The following CFAP61 variants were observed in gnomAD, a reference collection of about 807,000 sequenced individuals.
CFAP61 encodes the protein cilia- and flagella-associated protein 61.
In CFAP61, 107 loss-of-function variants were observed where a neutral mutation model predicts 135.6. The ratio of observed to expected loss-of-function variants is 0.79; its 90% CI spans 0.67 to 0.93. CFAP61 has a LOEUF of 0.93. CFAP61 is among the 40% of genes least tolerant of loss of function. The pLI is 0.00. For synonymous variants in CFAP61, 575 were observed against 578.5 expected (o/e 0.99, Z 0.09); for missense variants, 1,507 against 1,556.2 (o/e 0.97, Z 0.53).
intron 20 of CFAP61, among the ~76,000 whole-genome samples, chr20:20,256,107 A>C (rs1368355059): frequency 6.6e-6 from 1 of 152,200 alleles, no homozygotes; most frequent in Non-Finnish European, 1.5e-5. Flanking sequence ...TGAGTGAAAC[A>C]ATCTCAGATC....
chr20:20,239,988 G>A (rs2049896835), intron 18 of CFAP61, among the ~76,000 whole-genome samples: 1 of 152,134 alleles, frequency 6.6e-6, no homozygotes, highest in Admixed American at 6.5e-5. Flanking sequence ...TGGCCAAAGT[G>A]TGTAGTGGGA....
chr20:20,069,601 GATGTAC>G, intron 2 of CFAP61: 1 of 366,268 alleles, frequency 2.7e-6, no homozygotes, highest in Non-Finnish European at 5.4e-6. Flanking sequence ...AAAAACACAC[GATGTAC>G]ATTTCAACGT....
intron 7 of CFAP61, 88 bp downstream of exon 7, chr20:20,091,064 G>T: frequency 2.0e-6 from 3 of 1,492,466 alleles, no homozygotes; most frequent in South Asian, 2.4e-5. Context: ...GGCACCCCTG[G>T]AGCTGCCATT....
intron 23 of CFAP61, 122 bp downstream of exon 23, chr20:20,289,058 T>G: frequency 1.5e-6 from 1 of 656,850 alleles, no homozygotes; most frequent in Non-Finnish European, 2.6e-6. Flanking sequence ...CTCAATGGGT[T>G]GCCACAGAGA....
In CFAP61 at chr20:20,305,112, G is replaced by A. The variant is rs112202027; in HGVS notation, c.3422+6726G>A. On this transcript the variant is annotated intron_variant, in intron 25 of 26. Coordinates refer to ENST00000245957, the MANE Select transcript of CFAP61 (RefSeq NM_015585.4). The stretch of plus-strand genomic sequence containing the variant: ...CTCAGACAGCCCGGCCCTCGCGCCC[G>A]CGCCACCACCGCCTCCACACTTCCC... 7.4e-4 allele frequency among the ~76,000 whole-genome samples: 113 copies of A among 152,112 alleles called. 3 individuals are homozygous for A. The highest frequency in any genetic ancestry group is 2.3e-3 in the African/African-American group (95 of 41,500).
intron 8 of CFAP61, among the ~76,000 whole-genome samples, chr20:20,140,949 G>A (rs1460969063): frequency 6.7e-6 from 1 of 149,272 alleles, no homozygotes; most frequent in Non-Finnish European, 1.5e-5. Context: ...TGGAGATGGA[G>A]TCTCACTCTG....
intron 19 of CFAP61, among the ~76,000 whole-genome samples, chr20:20,247,062 C>T (rs909766993): frequency 1.3e-5 from 2 of 152,198 alleles, no homozygotes; most frequent in East Asian, 1.9e-4. Context: ...TCAGATCCTG[C>T]CCCTGCCACG....
chr20:20,360,513 C>G lies in CFAP61; in HGVS notation c.*103C>G, dbSNP rs1014952857. ...TCTGCAGCCTGGTTTGACAGCGAAGCCAGCCCCTGGTGGTTTTGTTCATTC... is the reference window on the plus strand; with the variant it reads ...TCTGCAGCCTGGTTTGACAGCGAAGGCAGCCCCTGGTGGTTTTGTTCATTC... On this transcript the variant is annotated 3_prime_UTR_variant, in exon 27 of 27. Coordinates refer to ENST00000245957, the MANE Select transcript of CFAP61 (RefSeq NM_015585.4). 1 of 1,059,990 alleles carries G rather than the reference C, an allele frequency of 9.4e-7. No homozygotes were observed. The highest frequency in any genetic ancestry group is 1.4e-6 in the Non-Finnish European group (1 of 715,336). The allele number at this position is 1,059,990 out of a possible 1,614,324, so 65.7% of individuals were successfully genotyped here. A position where few individuals can be genotyped will look rare whatever the true frequency, so the allele number is the denominator to read the frequency against.
At chr20:20,064,472 G>A (rs1007120023) in intron 2 of CFAP61, among the ~76,000 whole-genome samples, 2 of 152,114 alleles carry the variant, frequency 1.3e-5, no homozygotes, top group African/African-American at 4.8e-5. Flanking sequence ...AGTGACAGTC[G>A]ATCTGGTAAC....
chr20:20,169,809 C>T (rs780863567), intron 13 of CFAP61, among the ~76,000 whole-genome samples: 2 of 152,012 alleles, frequency 1.3e-5, no homozygotes, highest in Non-Finnish European at 2.9e-5. Flanking sequence ...AATACATTCA[C>T]GACAAAGTGT....
At position 20,350,501 on chromosome 20, in the gene CFAP61, C is replaced by T. The variant is rs115978676; in HGVS notation, c.3513+8580C>T. 2.8e-3 allele frequency among the ~76,000 whole-genome samples: 432 copies of T among 152,236 alleles called. 3 individuals carry two copies. Among genetic ancestry groups the T allele is most frequent in the African/African-American group, 9.9e-3 (410 of 41,546 alleles). On this transcript the variant is annotated intron_variant, in intron 26 of 26. Coordinates refer to ENST00000245957, the MANE Select transcript of CFAP61 (RefSeq NM_015585.4). Reference sequence around the variant, plus strand: ...AAAATTAGCCGGACGTGATAGTGCACACCAGTAGTCCCAGCTACTCGGGAG... The same window carrying T: ...AAAATTAGCCGGACGTGATAGTGCATACCAGTAGTCCCAGCTACTCGGGAG...
chr20:20,322,819 A>T, intron 25 of CFAP61: 1 of 985,446 alleles, frequency 1.0e-6, no homozygotes, highest in Non-Finnish European at 1.2e-6. Context: ...ATGGTAGGAA[A>T]GTGTTTCATA....
intron 11 of CFAP61, among the ~76,000 whole-genome samples, 190 bp from the exon 12 acceptor site, chr20:20,166,207 G>C (rs6046678): frequency 6.6e-6 from 1 of 152,148 alleles, no homozygotes; most frequent in Non-Finnish European, 1.5e-5. Context: ...CTTCAGTTCT[G>C]CAGAATACTT....
chr20:20,313,882 A>G (rs1385223734), intron 25 of CFAP61, among the ~76,000 whole-genome samples: 1 of 152,192 alleles, frequency 6.6e-6, no homozygotes, highest in African/African-American at 2.4e-5. Context: ...GAGACCTGCA[A>G]AGACAGTGCC....
At chr20:20,243,828 A>G (rs540147324) in intron 18 of CFAP61, among the ~76,000 whole-genome samples, 1 of 152,314 alleles carries the variant, frequency 6.6e-6, no homozygotes, top group East Asian at 1.9e-4. Context: ...GCCTATGACC[A>G]TGTAAAATCA....
At chr20:20,105,091 A>AG (rs2048285996) in intron 8 of CFAP61, among the ~76,000 whole-genome samples, 1 of 151,996 alleles carries the variant, frequency 6.6e-6, no homozygotes, top group South Asian at 2.1e-4. Flanking sequence ...GGTCCCTAAT[A>AG]GGGGGGCGGT....
At chr20:20,223,701 C>T (rs2048546607) in intron 17 of CFAP61, among the ~76,000 whole-genome samples, 1 of 152,080 alleles carries the variant, frequency 6.6e-6, no homozygotes, top group South Asian at 2.1e-4. Context: ...CTATGTATAT[C>T]CAATGAAATT....
rs547971595 is a variant in CFAP61, at chr20:20,131,715, T to G, written c.860-11142T>G. Among the ~76,000 whole-genome samples, 385 of 152,200 alleles carry G rather than the reference T, an allele frequency of 2.5e-3. 1 individual carries two copies. Among genetic ancestry groups the G allele is most frequent in the African/African-American group, 8.8e-3 (367 of 41,574 alleles). ...ATATATATATATTTTAAGTAGACTC[T>G]TAACTCATTGATTTTTCAGCTTTTC... is the stretch of plus-strand genomic sequence containing the variant. On this transcript the variant is annotated intron_variant, in intron 8 of 26. Coordinates refer to ENST00000245957, the MANE Select transcript of CFAP61 (RefSeq NM_015585.4).
intron 17 of CFAP61, among the ~76,000 whole-genome samples, chr20:20,225,815 TA>T (rs1260188964): frequency 6.6e-6 from 1 of 152,138 alleles, no homozygotes; most frequent in Non-Finnish European, 1.5e-5. Flanking sequence ...CCACCCAACC[TA>T]AGGCTGGCTA....
Sources: allele counts gnomAD v4.1 joint callset (sites outside exome capture counted in the v4.1 genomes callset), GRCh38; gene constraint gnomAD v4.1.1; transcripts MANE v1.5; gene names NCBI Gene and HGNC (gene_info 2026-07-23, HGNC 2026-07-21).